The following CRYL1 variants were observed in gnomAD, a reference collection of about 807,000 sequenced individuals.
CRYL1 encodes the protein lambda-crystallin homolog.
A neutral mutation model predicts 36.6 loss-of-function variants in CRYL1; 29 were observed. That is an observed-to-expected ratio of 0.79 (90% CI 0.59 to 1.08). The LOEUF is 1.08. CRYL1 is among the 50% of genes least tolerant of loss of function. The pLI, the probability that CRYL1 is intolerant of heterozygous loss-of-function variation, is 0.00. For synonymous variants in CRYL1, 152 were observed against 151.5 expected (o/e 1.00, Z -0.02); for missense variants, 411 against 407.9 (o/e 1.01, Z -0.06).
At chr13:20,482,667 G>A (rs2033301661) in intron 3 of CRYL1, among the ~76,000 whole-genome samples, 1 of 152,226 alleles carries the variant, frequency 6.6e-6, no homozygotes, top group South Asian at 2.1e-4. Flanking sequence ...TCCCATTACT[G>A]GGCTTCGCCC....
At chr13:20,484,906 C>T (rs2033364274) in intron 3 of CRYL1, among the ~76,000 whole-genome samples, 1 of 152,158 alleles carries the variant, frequency 6.6e-6, no homozygotes, top group African/African-American at 2.4e-5. Context: ...GTTAGAAACA[C>T]TAATGTACTT....
At chr13:20,515,831 A>AG (rs2033988938) in intron 1 of CRYL1, 5 of 135,162 alleles carry the variant, frequency 3.7e-5, no homozygotes, top group African/African-American at 1.5e-4. Flanking sequence ...CTGCAAGATG[A>AG]AAAGATTGAT....
intron 6 of CRYL1, among the ~76,000 whole-genome samples, chr13:20,410,398 G>C (rs2031488043): frequency 8.0e-6 from 1 of 125,532 alleles, no homozygotes; most frequent in Non-Finnish European, 1.6e-5. Flanking sequence ...TGGGGGGAGG[G>C]GGGAGGGATA....
intron 3 of CRYL1, among the ~76,000 whole-genome samples, chr13:20,464,419 A>C (rs779090330): frequency 6.6e-5 from 10 of 152,168 alleles, no homozygotes; most frequent in South Asian, 2.1e-4. Context: ...CAATACAATA[A>C]AATAAAATTT....
intron 1 of CRYL1, among the ~76,000 whole-genome samples, chr13:20,518,540 A>G (rs2034041859): frequency 6.6e-6 from 1 of 152,174 alleles, no homozygotes; most frequent in South Asian, 2.1e-4. Context: ...ATTGCATGGC[A>G]CCTCAGAAGC....
At chr13:20,520,064 T>C (rs1274661313) in intron 1 of CRYL1, among the ~76,000 whole-genome samples, 1 of 152,152 alleles carries the variant, frequency 6.6e-6, no homozygotes, top group Non-Finnish European at 1.5e-5. Context: ...GAAACCATAT[T>C]AGCCATGTGT....
intron 2 of CRYL1, among the ~76,000 whole-genome samples, chr13:20,508,314 GC>G (rs767016493): frequency 7.9e-5 from 12 of 152,278 alleles, no homozygotes; most frequent in Non-Finnish European, 1.8e-4. Flanking sequence ...TTTTTTAGCA[GC>G]CACCATTTCC....
chr13:20,435,127 G>A lies in CRYL1; in HGVS notation c.439-2831C>T, dbSNP rs115602175. On this transcript the variant is annotated intron_variant, in intron 4 of 7. Transcript: ENST00000298248. The surrounding 1 kb of genome is among the most constrained non-coding windows in gnomAD (Gnocchi z 4.0). The stretch of plus-strand genomic sequence containing the variant: ...GTCTTATAAGAGGAGAAAGTTCCAT[G>A]GATTGTTGGTGGTGGTGGCTGCACA... Among the ~76,000 whole-genome samples the A allele has an allele frequency of 0.013, 1,953 of 152,276 alleles. 44 individuals are homozygous for A. The highest frequency in any genetic ancestry group is 0.044 in the African/African-American group (1,848 of 41,538).
intron 2 of CRYL1, among the ~76,000 whole-genome samples, chr13:20,496,631 C>T (rs76072499): frequency 0.02 from 3,004 of 152,052 alleles, 103 homozygotes; most frequent in African/African-American, 0.067. Context: ...TAGACCTGTG[C>T]CTGGTGTGGT....
At chr13:20,421,308 T>C (rs2031808650) in intron 5 of CRYL1, among the ~76,000 whole-genome samples, 1 of 152,180 alleles carries the variant, frequency 6.6e-6, no homozygotes, top group African/African-American at 2.4e-5. Flanking sequence ...TGTGAATACA[T>C]TCACTTCCAT....
chr13:20,506,207 T>A (rs1343501336), intron 2 of CRYL1, among the ~76,000 whole-genome samples: 1 of 152,208 alleles, frequency 6.6e-6, no homozygotes, highest in Non-Finnish European at 1.5e-5. Flanking sequence ...TCACAAGATA[T>A]CCTAAGCTTC....
intron 3 of CRYL1, among the ~76,000 whole-genome samples, chr13:20,442,348 T>C (rs2032368832): frequency 6.6e-6 from 1 of 152,220 alleles, no homozygotes; most frequent in Admixed American, 6.5e-5. Context: ...AGTGACCCAA[T>C]TGTGTTGGAT....
intron 3 of CRYL1, among the ~76,000 whole-genome samples, chr13:20,445,077 G>A (rs1445137004): frequency 6.6e-6 from 1 of 152,142 alleles, no homozygotes; most frequent in African/African-American, 2.4e-5. Context: ...GACCCTTTAA[G>A]TAAAGAGTGA....
Position 20,425,884 on chromosome 13 carries a change from G to A in CRYL1, c.633+6218C>T, listed in dbSNP as rs1392554581. Among the ~76,000 whole-genome samples, 2 of 152,136 alleles carry A rather than the reference G, an allele frequency of 1.3e-5. No individual in the cohort carries two copies. The highest frequency in any genetic ancestry group is 2.9e-5 in the Non-Finnish European group (2 of 68,028). Reference sequence around the variant, plus strand: ...CAGTACACAGAGGCCCCACTGTACAGTCGGCAGGCAGGATACACCCAAGCA... The same window carrying A: ...CAGTACACAGAGGCCCCACTGTACAATCGGCAGGCAGGATACACCCAAGCA... On this transcript the variant is annotated intron_variant, in intron 5 of 7. Coordinates refer to ENST00000298248, the MANE Select transcript of CRYL1 (RefSeq NM_015974.3). The surrounding 1 kb of genome is among the most constrained non-coding windows in gnomAD (Gnocchi z 4.4).
intron 5 of CRYL1, chr13:20,431,047 T>C (rs1184517467): frequency 2.0e-6 from 2 of 985,256 alleles, no homozygotes; most frequent in Admixed American, 1.2e-4. Context: ...GCGTGGCAAA[T>C]GCACCCGGCA....
intron 1 of CRYL1, among the ~76,000 whole-genome samples, chr13:20,516,053 T>C (rs1210037922): frequency 3.3e-5 from 5 of 152,032 alleles, no homozygotes; most frequent in African/African-American, 4.8e-5. Context: ...TAGCCAGGTA[T>C]GGTGGCGGGC....
At chr13:20,522,968 G>C (rs963018331) in intron 1 of CRYL1, among the ~76,000 whole-genome samples, 1 of 123,762 alleles carries the variant, frequency 8.1e-6, no homozygotes, top group Non-Finnish European at 1.6e-5. Context: ...CCCAGCTGGA[G>C]TGCAGTGGTG....
chr13:20,414,765 T>C (rs915457969), intron 5 of CRYL1, among the ~76,000 whole-genome samples: 4 of 152,200 alleles, frequency 2.6e-5, no homozygotes, highest in African/African-American at 9.6e-5. Context: ...GGCTTTGGGA[T>C]GGAGGCAGGC....
intron 4 of CRYL1, among the ~76,000 whole-genome samples, chr13:20,434,584 C>T (rs1351908836): frequency 7.2e-6 from 1 of 138,732 alleles, no homozygotes; most frequent in Non-Finnish European, 1.6e-5. Flanking sequence ...CCACCCCTAC[C>T]GCCCACCCAC....
Sources: allele counts gnomAD v4.1 joint callset (sites outside exome capture counted in the v4.1 genomes callset), GRCh38; gene constraint gnomAD v4.1.1; non-coding constraint Gnocchi (gnomAD v3.1); transcripts MANE v1.5; gene names NCBI Gene and HGNC (gene_info 2026-07-23, HGNC 2026-07-21).